CLNK: variants seen among roughly 807,000 people sequenced by gnomAD.
CLNK encodes cytokine dependent hematopoietic cell linker.
Under a neutral mutation model 68.6 loss-of-function variants are expected in CLNK, and 74 were observed. That is an observed-to-expected ratio of 1.08 (90% CI 0.89 to 1.31). CLNK has a LOEUF of 1.31. Ranked by LOEUF, CLNK falls within the 50% of genes most tolerant of loss-of-function variation. CLNK has a pLI of 0.00. For missense variants in CLNK, 553 were observed against 515.3 expected (o/e 1.07, Z -0.71); for synonymous variants, 198 against 172.2 (o/e 1.15, Z -1.17).
chr4:10,494,230 A>G (rs1716711730), intron 18 of CLNK, among the ~76,000 whole-genome samples: 1 of 152,228 alleles, frequency 6.6e-6, no homozygotes, highest in East Asian at 1.9e-4. Flanking sequence ...CTTTCACAAA[A>G]TTGGTTAAAT....
chr4:10,620,246 G>A (rs1320984924), intron 2 of CLNK, among the ~76,000 whole-genome samples: 1 of 152,140 alleles, frequency 6.6e-6, no homozygotes, highest in Non-Finnish European at 1.5e-5. Flanking sequence ...ATGATCCGTA[G>A]TAGCCGTAAC....
At chr4:10,658,850 A>T (rs1270945458) in intron 2 of CLNK, among the ~76,000 whole-genome samples, 9 of 152,222 alleles carry the variant, frequency 5.9e-5, no homozygotes, top group Non-Finnish European at 1.0e-4. Context: ...GTGTCAGCAT[A>T]CACTGCAGAA....
chr4:10,668,837 A>G (rs4697774), intron 1 of CLNK, among the ~76,000 whole-genome samples: 70,081 of 151,928 alleles, frequency 0.46, 16,862 homozygotes, highest in Non-Finnish European at 0.54. Context: ...TCTGCCCTGG[A>G]TCTCCTGATG....
chr4:10,541,225 A>C (rs1004238808), intron 10 of CLNK, among the ~76,000 whole-genome samples: 33 of 151,484 alleles, frequency 2.2e-4, no homozygotes, highest in African/African-American at 3.6e-4. Flanking sequence ...AAAAAAACAA[A>C]AAAAAAAAAA....
the CLNK span, among the ~76,000 whole-genome samples, chr4:10,728,604 CTTTTT>C: frequency 1.4e-4 from 5 of 34,790 alleles, no homozygotes; most frequent in Middle Eastern, 0.019. Context: ...TTCTTTCTTT[CTTTTT>C]TTTTTTTTTT....
chr4:10,553,880 G>A (rs1056290310), intron 8 of CLNK, among the ~76,000 whole-genome samples: 1 of 152,214 alleles, frequency 6.6e-6, no homozygotes, highest in African/African-American at 2.4e-5. Flanking sequence ...GTTGTAGGAA[G>A]ACATTGCTGT....
chr4:10,723,919 A>AGAGAGAGATCG, the CLNK span, among the ~76,000 whole-genome samples: 1 of 148,126 alleles, frequency 6.8e-6, no homozygotes, highest in Non-Finnish European at 1.5e-5. Context: ...AGAGAGAGAG[A>AGAGAGAGATCG]AGGCAGGGCA....
intron 1 of CLNK, among the ~76,000 whole-genome samples, chr4:10,680,061 T>G (rs1725033689): frequency 6.6e-6 from 1 of 152,182 alleles, no homozygotes; most frequent in South Asian, 2.1e-4. Flanking sequence ...TAAAGACACA[T>G]GCACACGTAT....
the CLNK span, among the ~76,000 whole-genome samples, chr4:10,729,219 G>C: frequency 6.6e-6 from 1 of 152,040 alleles, no homozygotes; most frequent in East Asian, 1.9e-4. Flanking sequence ...TCTTTTACTG[G>C]TCTTACACCA....
intron 4 of CLNK, among the ~76,000 whole-genome samples, chr4:10,577,508 T>C (rs757711601): frequency 3.9e-5 from 6 of 152,222 alleles, no homozygotes; most frequent in Non-Finnish European, 5.9e-5. Flanking sequence ...TGCATGGCCA[T>C]AAGTCCAAGC....
intron 1 of CLNK, among the ~76,000 whole-genome samples, chr4:10,672,539 T>G (rs1436145053): frequency 1.3e-5 from 2 of 152,312 alleles, no homozygotes; most frequent in African/African-American, 2.4e-5. Flanking sequence ...TCACTTTAAG[T>G]GCCTTAAAGT....
intron 11 of CLNK, among the ~76,000 whole-genome samples, chr4:10,538,650 C>T (rs1257301183): frequency 6.6e-6 from 1 of 152,168 alleles, no homozygotes; most frequent in East Asian, 1.9e-4. Context: ...CTGCTTACTC[C>T]TAGTCTGATT....
intron 16 of CLNK, among the ~76,000 whole-genome samples, chr4:10,509,864 G>A (rs1717493952): frequency 6.6e-6 from 1 of 152,212 alleles, no homozygotes; most frequent in Non-Finnish European, 1.5e-5. Flanking sequence ...CCTACCCCCA[G>A]GGGAGAGGTA....
chr4:10,636,579 A>G (rs1387946617), intron 2 of CLNK, among the ~76,000 whole-genome samples: 1 of 152,124 alleles, frequency 6.6e-6, no homozygotes, highest in Non-Finnish European at 1.5e-5. Context: ...CAAATGAATC[A>G]TGGGACCTGA....
chr4:10,591,102 A>G (rs1560231606), intron 3 of CLNK, among the ~76,000 whole-genome samples: 2 of 152,314 alleles, frequency 1.3e-5, no homozygotes, highest in South Asian at 2.1e-4. Context: ...GTGCTCAGAC[A>G]GTAGGGAATC....
chr4:10,509,691 A>G (rs1717482031), intron 16 of CLNK, among the ~76,000 whole-genome samples: 1 of 151,966 alleles, frequency 6.6e-6, no homozygotes. Context: ...ATGCCCGGCT[A>G]ATTTTTGTAT....
rs557592173 is a variant in CLNK at position 10,486,994 on chromosome 4, A to G, written c.*3473T>C. On this transcript the variant is annotated 3_prime_UTR_variant, in exon 19 of 19. Transcript: ENST00000226951. The stretch of plus-strand genomic sequence containing the variant: ...TGCAGTACACAAAGGTGCTAACACA[A>G]TATATGACTAATGATGAGGGCTATG... The G allele has an allele frequency of 6.6e-6, 1 of 152,378 alleles. No homozygotes were observed. Among genetic ancestry groups the G allele is most frequent in the East Asian group, 1.9e-4 (1 of 5,196 alleles). 9.4% of individuals were successfully genotyped at this position (152,378 alleles called of 1,614,324 possible).
chr4:10,628,566 G>A (rs1722765518), intron 2 of CLNK, among the ~76,000 whole-genome samples: 1 of 152,168 alleles, frequency 6.6e-6, no homozygotes, highest in Non-Finnish European at 1.5e-5. Context: ...ATGAAAGCTG[G>A]AGGGGCTGAG....
At chr4:10,668,849 C>T (rs908004629) in intron 1 of CLNK, among the ~76,000 whole-genome samples, 2 of 152,266 alleles carry the variant, frequency 1.3e-5, no homozygotes, top group East Asian at 3.9e-4. Context: ...CTCCTGATGC[C>T]ATCTCCCATT....
Sources: gnomAD v4.1 joint callset for allele counts (sites outside exome capture counted in the v4.1 genomes callset) on GRCh38, gnomAD v4.1.1 for gene constraint, MANE v1.5 for transcripts, NCBI Gene and HGNC (gene_info 2026-07-23, HGNC 2026-07-21) for gene names.